USP16: variants seen among roughly 807,000 people sequenced by gnomAD.
The protein encoded by USP16 is ubiquitin specific peptidase 16, also known as ubiquitin carboxyl-terminal hydrolase 16.
USP16 carries 77 observed loss-of-function variants against 95.9 expected under a neutral mutation model. The observed-to-expected ratio is 0.80, with a 90% CI of 0.67 to 0.97. USP16 has a LOEUF of 0.97. USP16 is among the 50% of genes least tolerant of loss of function. The pLI is 0.00. For synonymous variants in USP16, 303 were observed against 318.2 expected, an observed-to-expected ratio of 0.95 and a Z score of 0.51; for missense variants, 943 against 959.9, an observed-to-expected ratio of 0.98 and a Z score of 0.23.
intron 5 of USP16, 81 bp downstream of exon 5, chr21:29,036,455 C>A: frequency 2.4e-6 from 3 of 1,264,706 alleles, no homozygotes; most frequent in East Asian, 2.4e-5. Flanking sequence ...TACTACCTAG[C>A]ATTACATACA....
At chr21:29,039,435 C>G (rs895596007) in intron 8 of USP16, 46 bp from the exon 9 acceptor site, 1 of 1,578,820 alleles carries the variant, frequency 6.3e-7, no homozygotes. Context: ...AGCTTCAGAG[C>G]TTAGTAGACT....
At chr21:29,025,642 T>G (rs1442955499) in intron 1 of USP16, 1 of 525,028 alleles carries the variant, frequency 1.9e-6, no homozygotes, top group Non-Finnish European at 2.4e-6. Flanking sequence ...AAACCAGATT[T>G]ACTAGTGCTG....
At chr21:29,049,853 G>A (rs1010458056) in intron 15 of USP16, among the ~76,000 whole-genome samples, 4 of 152,186 alleles carry the variant, frequency 2.6e-5, no homozygotes, top group Admixed American at 2.6e-4. Context: ...GTGCCATCGT[G>A]TCCAGCTGGG....
chr21:29,046,767 C>A lies in USP16; in HGVS notation c.1457C>A (p.Ser486Ter). The change falls in exon 14 of 18, where the codon TCA becomes TAA. Residue 486 changes from serine to a stop codon, truncating the protein, a stop_gained. Coordinates refer to ENST00000399976, the MANE Select transcript of USP16 (RefSeq NM_006447.3). LOFTEE classifies it high-confidence loss of function. ...GACAGTGAATATGAAGCTGAAATGT[C>A]ACTTCAAGGAGAAGTAAATATTAAA... ...PEDSEYEAEMSLQGEVNIKSN... is the reference protein window; with the variant it reads ...PEDSEYEAEM 1 of 1,613,950 alleles carries A rather than the reference C, an allele frequency of 6.2e-7. No individual in the cohort carries two copies. The highest frequency in any genetic ancestry group is 1.1e-5 in the South Asian group (1 of 91,080).
chr21:29,028,441 T>A (rs2085027386), intron 2 of USP16, among the ~76,000 whole-genome samples: 1 of 150,818 alleles, frequency 6.6e-6, no homozygotes, highest in Admixed American at 6.6e-5. Context: ...ACATCTTTTT[T>A]GTTTTTTTTC....
At position 29,047,071 on chromosome 21, in the gene USP16, T is replaced by C; in HGVS notation, c.1761T>C (p.Pro587=). Residue 587 remains proline, a synonymous_variant, in exon 14 of 18, where the codon CCT becomes CCC. Coordinates refer to ENST00000399976, the MANE Select transcript of USP16 (RefSeq NM_006447.3). ...TAAATTTGAATGCTGCTCTTCATCCTGATGAAATAAATATAGAGATTCTGA... is the reference window on the plus strand; with the variant it reads ...TAAATTTGAATGCTGCTCTTCATCCCGATGAAATAAATATAGAGATTCTGA... ...KNLNLNAALH[P]DEINIEILND... The C allele has an allele frequency of 6.2e-7, 1 of 1,614,078 alleles. No homozygotes were observed. The highest frequency in any genetic ancestry group is 8.5e-7 in the Non-Finnish European group (1 of 1,180,018).
At chr21:29,041,762 A>G (rs2085246283) in intron 10 of USP16, among the ~76,000 whole-genome samples, 1 of 152,150 alleles carries the variant, frequency 6.6e-6, no homozygotes, top group South Asian at 2.1e-4. Context: ...CACTGACTAG[A>G]TCTTGGATAA....
chr21:29,046,625 T>G (rs764652891), intron 13 of USP16, 42 bp from the exon 14 acceptor site: 1 of 1,545,208 alleles, frequency 6.5e-7, no homozygotes, highest in Non-Finnish European at 8.7e-7. Flanking sequence ...CTCCCGCTCT[T>G]TCTTTTTCTT....
intron 2 of USP16, 128 bp downstream of exon 2, chr21:29,028,102 A>G: frequency 4.3e-6 from 3 of 689,722 alleles, no homozygotes; most frequent in Admixed American, 3.1e-5. Flanking sequence ...TTGTATCTAT[A>G]TGTCATTTAA....
chr21:29,045,345 A>T (rs2085306884), intron 13 of USP16, among the ~76,000 whole-genome samples: 1 of 152,168 alleles, frequency 6.6e-6, no homozygotes. Context: ...GCATTTCAGT[A>T]ACAGGAATCT....
intron 7 of USP16, 91 bp downstream of exon 7, chr21:29,038,521 G>T: frequency 1.0e-6 from 1 of 991,724 alleles, no homozygotes; most frequent in African/African-American, 1.6e-5. Flanking sequence ...CATTTCCACT[G>T]TTTTTGTTTG....
At chr21:29,037,224 C>A in intron 5 of USP16, 52 bp from the exon 6 acceptor site, 1 of 1,162,890 alleles carries the variant, frequency 8.6e-7, no homozygotes, top group Non-Finnish European at 1.2e-6. Flanking sequence ...TATACTTCTG[C>A]ATTCGATATG....
Position 29,037,167 on chromosome 21 carries a change from A to G in USP16, c.449-109A>G, listed in dbSNP as rs557049582. 18 of 634,956 alleles carry G rather than the reference A, an allele frequency of 2.8e-5. No homozygotes were observed. In the East Asian group the frequency reaches 6.0e-4, roughly 21 times the overall value. 39.3% of individuals were successfully genotyped at this position (634,956 alleles called of 1,614,324 possible). Reference sequence around the variant, plus strand: ...AAATCAAATGGGTGGGTGGGTTGGAAAGAATGACTTCAGGTAAACTCACAA... The same window carrying G: ...AAATCAAATGGGTGGGTGGGTTGGAGAGAATGACTTCAGGTAAACTCACAA... On this transcript the variant is annotated intron_variant, in intron 5 of 17. Transcript: ENST00000399976.
intron 3 of USP16, among the ~76,000 whole-genome samples, chr21:29,031,107 C>A (rs902254340): frequency 6.6e-6 from 1 of 152,208 alleles, no homozygotes; most frequent in Non-Finnish European, 1.5e-5. Flanking sequence ...TTGGATGTGG[C>A]CTGCCCCTAG....
At chr21:29,037,202 C>G (rs2146373484) in intron 5 of USP16, 74 bp from the exon 6 acceptor site, 1 of 986,088 alleles carries the variant, frequency 1.0e-6, no homozygotes, top group African/African-American at 1.7e-5. Flanking sequence ...AACTCTAGTA[C>G]TGTTTCCCAA....
At chr21:29,045,548 A>G (rs922877050) in intron 13 of USP16, among the ~76,000 whole-genome samples, 5 of 150,172 alleles carry the variant, frequency 3.3e-5, no homozygotes, top group African/African-American at 1.2e-4. Flanking sequence ...TGCATCCTTG[A>G]GTTTTCTTTC....
At position 29,048,813 on chromosome 21, in the gene USP16, T is replaced by G; in HGVS notation, c.2064T>G (p.Leu688=). The change falls in exon 15 of 18, where the codon CTT becomes CTG. Residue 688 remains leucine, a synonymous_variant. Coordinates refer to ENST00000399976, the MANE Select transcript of USP16 (RefSeq NM_006447.3). ...TNAKKQMLIS[L]APPVLTLHLK... is the part of the protein sequence containing the mutation. ...CCAAAAAGCAGATGCTAATTTCTCT[T>G]GCTCCTCCTGTTCTTACTCTTCATT... is the stretch of plus-strand genomic sequence containing the variant. 6.2e-7 allele frequency: 1 copy of G among 1,613,942 alleles called. No individual in the cohort carries two copies.
In USP16 at chr21:29,030,696, A is replaced by C. The variant is rs1417102419; in HGVS notation, c.163A>C (p.Asn55His). 3 of 1,614,054 alleles carry C rather than the reference A, an allele frequency of 1.9e-6. No homozygotes were observed. Among genetic ancestry groups the C allele is most frequent in the Non-Finnish European group, 2.5e-6 (3 of 1,179,978 alleles). Residue 55 changes from asparagine (N) to histidine (H), a missense_variant, in exon 3 of 18, where the codon AAT becomes CAT. Asn to His is a moderately conservative substitution (Grantham distance 68, BLOSUM62 1). Transcript: ENST00000399976. ...WNICQDCKTD[N>H]KVKDKAEEET... ...TATCTGCCAAGACTGTAAGACTGAC[A>C]ATAAAGTGAAAGATAAAGCTGAAGA...
intron 3 of USP16, 85 bp from the exon 4 acceptor site, chr21:29,034,752 C>T: frequency 8.4e-7 from 1 of 1,187,304 alleles, no homozygotes; most frequent in Non-Finnish European, 1.2e-6. Flanking sequence ...TTTCATGAGC[C>T]ACTTCCTTGT....
Sources: allele counts gnomAD v4.1 joint callset (sites outside exome capture counted in the v4.1 genomes callset), GRCh38; gene constraint gnomAD v4.1.1; transcripts MANE v1.5; gene names NCBI Gene and HGNC (gene_info 2026-07-23, HGNC 2026-07-21).